The following WWP1 variants were observed in gnomAD, a reference collection of about 807,000 sequenced individuals.
The protein encoded by WWP1 is NEDD4-like E3 ubiquitin-protein ligase WWP1.
A neutral mutation model predicts 130.6 loss-of-function variants in WWP1; 49 were observed. The ratio of observed to expected loss-of-function variants is 0.38; its 90% CI spans 0.30 to 0.48. The LOEUF (loss-of-function observed/expected upper bound fraction) is 0.48. Ranked by LOEUF, WWP1 falls within the 20% of genes least tolerant of loss-of-function variation. The pLI, the probability that WWP1 is intolerant of heterozygous loss-of-function variation, is 0.99. For missense variants in WWP1, 809 were observed against 1,100.6 expected (o/e 0.74, Z 3.75); for synonymous variants, 332 against 367.8 (o/e 0.90, Z 1.11).
intron 9 of WWP1, among the ~76,000 whole-genome samples, chr8:86,414,609 G>A (rs536973373): frequency 6.6e-6 from 1 of 152,158 alleles, no homozygotes; most frequent in South Asian, 2.1e-4. Flanking sequence ...TCTTTTGTTT[G>A]GTAACTTACT....
chr8:86,344,101 C>T (rs148192844), intron 1 of WWP1, among the ~76,000 whole-genome samples: 57 of 152,076 alleles, frequency 3.7e-4, no homozygotes, highest in African/African-American at 1.1e-3. Flanking sequence ...TTTTAGCCAT[C>T]AAGTAGTAAA....
chr8:86,388,561 T>C (rs1305499291), intron 5 of WWP1, among the ~76,000 whole-genome samples: 1 of 152,168 alleles, frequency 6.6e-6, no homozygotes, highest in Admixed American at 6.5e-5. Flanking sequence ...CATATTGCCT[T>C]TTTTTCCCTC....
chr8:86,386,039 C>T (rs1825264109), intron 5 of WWP1, among the ~76,000 whole-genome samples: 1 of 152,148 alleles, frequency 6.6e-6, no homozygotes, highest in African/African-American at 2.4e-5. Flanking sequence ...CTCCTGGTTT[C>T]AGTGCCTTAC....
At chr8:86,439,549 ATAAT>A (rs1810485764) in intron 17 of WWP1, among the ~76,000 whole-genome samples, 2 of 152,154 alleles carry the variant, frequency 1.3e-5, no homozygotes, top group Non-Finnish European at 2.9e-5. Flanking sequence ...TGGAAATATC[ATAAT>A]TAATAGATTA....
At position 86,380,725 on chromosome 8, in the gene WWP1, G is replaced by C; in HGVS notation, c.71-1G>C. The C allele has an allele frequency of 6.2e-7, 1 of 1,608,688 alleles. No individual in the cohort carries two copies. The highest frequency in any genetic ancestry group is 8.5e-7 in the Non-Finnish European group (1 of 1,178,254). On this transcript the variant is annotated splice_acceptor_variant, in intron 3 of 24. Transcript: ENST00000517970. LOFTEE classifies it high-confidence loss of function. ...TCACTAGTGAATTATTTGTCTGTTA[G>C]TTTCTAGTGCCAAACTTAAAAGAAA...
Position 86,357,177 on chromosome 8 carries a change from T to A in WWP1, c.-114-11762T>A, listed in dbSNP as rs150281875. Among the ~76,000 whole-genome samples the A allele has an allele frequency of 7.9e-4, 121 of 152,338 alleles. 1 individual carries two copies. The highest frequency in any genetic ancestry group is 2.9e-3 in the African/African-American group (119 of 41,596). ...TTCTAAGCTAAAAATTATCAATATG[T>A]TCTATGTTCCAATTCTCATTTAATA... On this transcript the variant is annotated intron_variant, in intron 1 of 24. Coordinates refer to ENST00000517970, the MANE Select transcript of WWP1 (RefSeq NM_007013.4).
At chr8:86,410,077 T>G (rs1808502113) in intron 8 of WWP1, among the ~76,000 whole-genome samples, 1 of 152,208 alleles carries the variant, frequency 6.6e-6, no homozygotes, top group South Asian at 2.1e-4. Context: ...TTTCCTAATA[T>G]CAAATCATCC....
chr8:86,363,753 A>G (rs113982028), intron 1 of WWP1, among the ~76,000 whole-genome samples: 7,973 of 146,134 alleles, frequency 0.055, 363 homozygotes, highest in African/African-American at 0.12. Flanking sequence ...CCGAGATCGC[A>G]CCACTGTACT....
intron 1 of WWP1, among the ~76,000 whole-genome samples, chr8:86,362,880 A>G (rs1244749917): frequency 6.6e-6 from 1 of 152,238 alleles, no homozygotes; most frequent in African/African-American, 2.4e-5. Context: ...TACAAATCAG[A>G]TAAATATAGC....
intron 4 of WWP1, 150 bp downstream of exon 4, chr8:86,381,014 A>AT: frequency 9.1e-7 from 1 of 1,103,872 alleles, no homozygotes; most frequent in Non-Finnish European, 1.2e-6. Flanking sequence ...TTTTTGGTTA[A>AT]ATTTTTTTTT....
intron 21 of WWP1, among the ~76,000 whole-genome samples, chr8:86,452,890 A>G (rs1466904590): frequency 6.6e-6 from 1 of 152,148 alleles, no homozygotes; most frequent in Admixed American, 6.6e-5. Flanking sequence ...TGAGCACAAA[A>G]TCATCAATCA....
Position 86,448,406 on chromosome 8 carries a change from G to A in WWP1, c.2166G>A (p.Met722Ile), listed in dbSNP as rs1810998149. The A allele has an allele frequency of 1.9e-6, 3 of 1,613,404 alleles. No individual in the cohort carries two copies. Among genetic ancestry groups the A allele is most frequent in the East Asian group, 2.2e-5 (1 of 44,790 alleles). The change falls in exon 20 of 25, where the codon ATG becomes ATA. Residue 722 changes from methionine (M) to isoleucine (I), a missense_variant. Around this residue, in one of 3 missense-constraint regions of WWP1, gnomAD observed 450 missense variants for 674.2 expected, o/e 0.67. Coordinates refer to ENST00000517970, the MANE Select transcript of WWP1 (RefSeq NM_007013.4). ...ACATTGAAGAATGTGGCTTAGAAATGTACTTTTCTGTTGACATGGAGATTT... is the reference window on the plus strand; with the variant it reads ...ACATTGAAGAATGTGGCTTAGAAATATACTTTTCTGTTGACATGGAGATTT... ...DNNIEECGLEMYFSVDMEILG... is the reference protein window; with the variant it reads ...DNNIEECGLEIYFSVDMEILG...
At position 86,342,693 on chromosome 8, in the gene WWP1, GGGT is replaced by G. The variant is rs1160160234; in HGVS notation, c.-349_-347del. ...GGAAGGGAGGTGTGGGGTCGGCTGG[GGGT>G]GGCGCGTGGACGGGGTGGGGGTGGG... On this transcript the variant is annotated 5_prime_UTR_variant, in exon 1 of 25. Coordinates refer to ENST00000517970, the MANE Select transcript of WWP1 (RefSeq NM_007013.4). The G allele has an allele frequency of 3.0e-6, 1 of 328,574 alleles. No individual in the cohort carries two copies. The highest frequency in any genetic ancestry group is 5.5e-6 in the Non-Finnish European group (1 of 182,520). The allele number at this position is 328,574 out of a possible 1,614,324, so 20.4% of individuals were successfully genotyped here.
At position 86,435,614 on chromosome 8, in the gene WWP1, A is replaced by G. The variant is rs372659125; in HGVS notation, c.1678-19A>G. The G allele has an allele frequency of 9.6e-5, 154 of 1,612,312 alleles. 1 individual carries two copies. Among genetic ancestry groups the G allele is most frequent in the Non-Finnish European group, 1.2e-4 (145 of 1,178,904 alleles). On this transcript the variant is annotated intron_variant, in intron 15 of 24. Coordinates refer to ENST00000517970, the MANE Select transcript of WWP1 (RefSeq NM_007013.4). The stretch of plus-strand genomic sequence containing the variant: ...ATACTATAACTCAGATGATATTATG[A>G]TATTATTTTTGTTTTTAGTCTAATG...
At position 86,396,888 on chromosome 8, in the gene WWP1, C is replaced by T. The variant is rs556053895; in HGVS notation, c.335-1454C>T. ...TGCTGGGATTAGAGGCGTGAGCCAC[C>T]GTGTCTGGCCTTAATTTTTAAATTT... is the stretch of plus-strand genomic sequence containing the variant. On this transcript the variant is annotated intron_variant, in intron 5 of 24. Transcript: ENST00000517970. Among the ~76,000 whole-genome samples the T allele has an allele frequency of 3.3e-5, 5 of 152,234 alleles. No homozygotes were observed. The East Asian group carries it at 5.8e-4, about 18-fold the overall frequency.
chr8:86,437,139 A>G (rs1370943321), intron 16 of WWP1, among the ~76,000 whole-genome samples: 4 of 152,226 alleles, frequency 2.6e-5, no homozygotes, highest in Non-Finnish European at 4.4e-5. Flanking sequence ...ACTGCCTCCA[A>G]GGAGGCATGC....
intron 1 of WWP1, among the ~76,000 whole-genome samples, chr8:86,360,359 A>T (rs1296904956): frequency 6.6e-6 from 1 of 152,050 alleles, no homozygotes; most frequent in Admixed American, 6.5e-5. Context: ...CTTTTTACTG[A>T]TCTTACCTTG....
intron 7 of WWP1, among the ~76,000 whole-genome samples, chr8:86,400,521 A>G (rs958308600): frequency 1.3e-5 from 2 of 152,174 alleles, no homozygotes; most frequent in East Asian, 3.9e-4. Context: ...AAGATTAATA[A>G]GCCACAAATG....
rs11777979 is a variant in WWP1, at chr8:86,414,887, C to G, written c.1061+3013C>G. 3.9e-5 allele frequency among the ~76,000 whole-genome samples: 5 copies of G among 129,810 alleles called. No homozygotes were observed. The East Asian group carries it at 1.1e-3, about 29-fold the overall frequency. The allele number at this position is 129,810 out of a possible 152,430, so 85.2% of individuals were successfully genotyped here. ...TAAAAATACATTCTGAATCCCCCCC[C>G]CATCCCCCCACCCCCGCCCCTAAAT... On this transcript the variant is annotated intron_variant, in intron 9 of 24. Transcript: ENST00000517970.
Sources: allele counts gnomAD v4.1 joint callset (sites outside exome capture counted in the v4.1 genomes callset), GRCh38; gene constraint gnomAD v4.1.1; regional missense constraint gnomAD v4.1.1; transcripts MANE v1.5; gene names NCBI Gene and HGNC (gene_info 2026-07-23, HGNC 2026-07-21).